RALGPS1: variants seen among roughly 807,000 people sequenced by gnomAD.
RALGPS1 encodes the protein Ral GEF with PH domain and SH3 binding motif 1, also known as ras-specific guanine nucleotide-releasing factor RalGPS1.
RALGPS1 carries 19 observed loss-of-function variants against 78.8 expected under a neutral mutation model. The ratio of observed to expected loss-of-function variants is 0.24; its 90% CI spans 0.17 to 0.35. RALGPS1 has a LOEUF of 0.35. Among genes scored for constraint, RALGPS1 ranks in the 10% least tolerant of loss-of-function variants. RALGPS1 has a pLI of 1.00. For synonymous variants in RALGPS1, 228 were observed against 256.3 expected (o/e 0.89, Z 1.06); for missense variants, 454 against 688.3 (o/e 0.66, Z 3.81).
chr9:126,958,158 TACACACACACACACAC>T (rs60776038), intron 1 of RALGPS1, among the ~76,000 whole-genome samples: 7 of 121,082 alleles, frequency 5.8e-5, no homozygotes, highest in South Asian at 2.9e-4. Flanking sequence ...TATATATATA[TACACACACACACACAC>T]ATATATGTGT....
intron 8 of RALGPS1, among the ~76,000 whole-genome samples, chr9:127,099,465 CA>C (rs1263019522): frequency 6.6e-6 from 1 of 152,138 alleles, no homozygotes; most frequent in Non-Finnish European, 1.5e-5. Context: ...ATTTCCTACC[CA>C]AATTAATGCA....
At chr9:127,102,663 G>A (rs1262579431) in intron 8 of RALGPS1, among the ~76,000 whole-genome samples, 1 of 152,168 alleles carries the variant, frequency 6.6e-6, no homozygotes, top group East Asian at 1.9e-4. Flanking sequence ...AAGGCTCTTT[G>A]TGATCAGTTC....
chr9:127,160,670 C>T (rs2058970174), intron 8 of RALGPS1, among the ~76,000 whole-genome samples: 1 of 152,244 alleles, frequency 6.6e-6, no homozygotes, highest in Admixed American at 6.5e-5. Context: ...CCCCAACTCT[C>T]TGCCTGGAAT....
At chr9:127,138,199 C>T (rs1588119983) in intron 8 of RALGPS1, among the ~76,000 whole-genome samples, 1 of 152,312 alleles carries the variant, frequency 6.6e-6, no homozygotes, top group East Asian at 1.9e-4. Flanking sequence ...TATAGCATTC[C>T]AATCTCTGGA....
chr9:126,976,160 C>T (rs192742110), intron 3 of RALGPS1, among the ~76,000 whole-genome samples: 3 of 152,228 alleles, frequency 2.0e-5, no homozygotes, highest in African/African-American at 7.2e-5. Flanking sequence ...TTTAGAGCAA[C>T]CTCAGTGCAT....
intron 1 of RALGPS1, among the ~76,000 whole-genome samples, chr9:126,935,067 T>G (rs1269515918): frequency 1.3e-5 from 2 of 152,158 alleles, no homozygotes; most frequent in Non-Finnish European, 2.9e-5. Context: ...TCTGCCCACC[T>G]CATTTGGCAC....
intron 8 of RALGPS1, among the ~76,000 whole-genome samples, chr9:127,127,777 T>C (rs531206354): frequency 9.8e-5 from 15 of 152,318 alleles, no homozygotes; most frequent in African/African-American, 3.6e-4. Context: ...TGAGGTTCCT[T>C]GTACCAGGCC....
In RALGPS1 at chr9:127,210,766, G is replaced by C. The variant is rs1487609484; in HGVS notation, c.1248-1365G>C. 5 of 1,550,420 alleles carry C rather than the reference G, an allele frequency of 3.2e-6. No homozygotes were observed. In the African/African-American group the frequency reaches 6.8e-5, roughly 21 times the overall value. ...GTTAGGAATTCTCCCAGAACCCGGA[G>C]CTGTGTCTACAGGTATTCATGTGTT... is the stretch of plus-strand genomic sequence containing the variant. On this transcript the variant is annotated intron_variant, in intron 14 of 18. Coordinates refer to ENST00000259351, the MANE Select transcript of RALGPS1 (RefSeq NM_014636.3).
intron 8 of RALGPS1, among the ~76,000 whole-genome samples, chr9:127,127,731 C>T (rs770157474): frequency 5.9e-5 from 9 of 152,104 alleles, no homozygotes; most frequent in Non-Finnish European, 1.3e-4. Context: ...TATTACTATT[C>T]TATTTTACTA....
Position 127,197,735 on chromosome 9 carries a change from G to A in RALGPS1, c.1195+1104G>A, listed in dbSNP as rs2277157. ...CAGGACGATGTGTCCGGGGTTACGA[G>A]GTGTGCCTTGGGAGAAGAGTTCCAG... On this transcript the variant is annotated intron_variant, in intron 13 of 18. Transcript: ENST00000259351. Among the ~76,000 whole-genome samples, 18 of 152,316 alleles carry A rather than the reference G, an allele frequency of 1.2e-4. No individual in the cohort carries two copies. The East Asian group carries it at 3.5e-3, about 29-fold the overall frequency.
Position 127,219,289 on chromosome 9 carries a change from T to A in RALGPS1, c.*520T>A, listed in dbSNP as rs1050363702. 22 of 159,452 alleles carry A rather than the reference T, an allele frequency of 1.4e-4. No individual in the cohort carries two copies. The highest frequency in any genetic ancestry group is 4.8e-4 in the African/African-American group (20 of 41,562). 9.9% of individuals were successfully genotyped at this position (159,452 alleles called of 1,614,324 possible). A position where few individuals can be genotyped will look rare whatever the true frequency, so the allele number is the denominator to read the frequency against. ...TGTGTGTGTGTGAGCGAGTGTGAAC[T>A]CTTCAAGAAACATGCATTTTGGCAC... On this transcript the variant is annotated 3_prime_UTR_variant, in exon 19 of 19. Transcript: ENST00000259351. This position sits in a 1 kb window ranked among gnomAD's most constrained non-coding sequence, Gnocchi z 5.0.
chr9:127,192,986 G>T (rs1036375605), intron 11 of RALGPS1, among the ~76,000 whole-genome samples: 1 of 152,238 alleles, frequency 6.6e-6, no homozygotes, highest in Non-Finnish European at 1.5e-5. Flanking sequence ...TGTGTCATTA[G>T]GTACAGAAGT....
intron 1 of RALGPS1, among the ~76,000 whole-genome samples, chr9:126,929,982 G>A (rs962860699): frequency 6.6e-6 from 1 of 151,976 alleles, no homozygotes. Context: ...ACAGGTGTGC[G>A]CCACCACTCC....
intron 1 of RALGPS1, among the ~76,000 whole-genome samples, chr9:126,916,859 G>A (rs1342077526): frequency 1.3e-5 from 2 of 152,190 alleles, no homozygotes; most frequent in East Asian, 1.9e-4. Flanking sequence ...CCACAGGGGC[G>A]GGGAGAAGGA....
intron 9 of RALGPS1, among the ~76,000 whole-genome samples, chr9:127,168,121 G>A (rs79301848): frequency 6.6e-6 from 1 of 152,244 alleles, no homozygotes; most frequent in Non-Finnish European, 1.5e-5. Flanking sequence ...TGCAGAGCCT[G>A]GTACAGGCAT....
At chr9:127,069,434 G>C in intron 8 of RALGPS1, 78 bp downstream of exon 8, 1 of 1,547,260 alleles carries the variant, frequency 6.5e-7, no homozygotes, top group Non-Finnish European at 8.8e-7. Flanking sequence ...GTTTCTACCT[G>C]AAAAATTTCC....
At chr9:127,034,565 C>A in intron 5 of RALGPS1, 51 bp downstream of exon 5, 1 of 1,526,904 alleles carries the variant, frequency 6.5e-7, no homozygotes, top group Non-Finnish European at 9.1e-7. Context: ...CTGCTGCTGT[C>A]CCCTGTAGGC....
chr9:127,166,285 C>A, intron 9 of RALGPS1, 79 bp downstream of exon 9: 1 of 1,525,508 alleles, frequency 6.6e-7, no homozygotes, highest in Non-Finnish European at 8.9e-7. Context: ...GCTCTAGAAA[C>A]CTTTCAAAGA....
chr9:127,108,717 G>A (rs183125504), intron 8 of RALGPS1: 20 of 1,607,960 alleles, frequency 1.2e-5, no homozygotes, highest in Middle Eastern at 3.6e-4. Context: ...AGCATGTCAC[G>A]CACAGTGGCC....
Sources: allele counts gnomAD v4.1 joint callset (sites outside exome capture counted in the v4.1 genomes callset), GRCh38; gene constraint gnomAD v4.1.1; non-coding constraint Gnocchi (gnomAD v3.1); transcripts MANE v1.5; gene names NCBI Gene and HGNC (gene_info 2026-07-23, HGNC 2026-07-21).